IL1RAPL2: variants seen among roughly 807,000 people sequenced by gnomAD.
The protein encoded by IL1RAPL2 is X-linked interleukin-1 receptor accessory protein-like 2.
In IL1RAPL2, 3 loss-of-function variants were observed where a neutral mutation model predicts 44.1. That is an observed-to-expected ratio of 0.07 (90% CI 0.03 to 0.18). The LOEUF (loss-of-function observed/expected upper bound fraction) is 0.18, where lower values mean the gene tolerates loss of function less well. IL1RAPL2 is among the 10% of genes least tolerant of loss of function. IL1RAPL2 has a pLI of 1.00. For synonymous variants in IL1RAPL2, 181 were observed against 178.8 expected, an observed-to-expected ratio of 1.01 and a Z score of -0.10; for missense variants, 391 against 496.4, an observed-to-expected ratio of 0.79 and a Z score of 2.02.
intron 2 of IL1RAPL2, among the ~76,000 whole-genome samples, chrX:104,854,592 G>A (rs767214840): frequency 9.0e-6 from 1 of 111,580 alleles, no homozygotes; most frequent in Admixed American, 9.5e-5. Flanking sequence ...TCAGTAAACA[G>A]CATGTGTGGA....
rs961461600 is a variant in IL1RAPL2, at chrX:104,948,300, G to C, written c.83-247175G>C. On this transcript the variant is annotated intron_variant, in intron 2 of 10. Transcript: ENST00000372582. Reference sequence around the variant, plus strand: ...GAGACTTTGCTGAATTTGCTTATCAGCTTGAGGAGATTTTGGGCTGAGACA... The same window carrying C: ...GAGACTTTGCTGAATTTGCTTATCACCTTGAGGAGATTTTGGGCTGAGACA... 4.6e-5 allele frequency among the ~76,000 whole-genome samples: 5 copies of C among 109,519 alleles called. No homozygotes were observed. In the Admixed American group the frequency reaches 4.9e-4, roughly 11 times the overall value.
intron 5 of IL1RAPL2, among the ~76,000 whole-genome samples, chrX:105,425,754 A>G (rs1159984553): frequency 9.0e-6 from 1 of 110,612 alleles, no homozygotes; most frequent in African/African-American, 3.3e-5. Context: ...GAACTAGAAA[A>G]TAAAGGAGTG....
chrX:104,748,876 G>T (rs1312605689), intron 2 of IL1RAPL2, among the ~76,000 whole-genome samples: 2 of 111,439 alleles, frequency 1.8e-5, no homozygotes, highest in Non-Finnish European at 3.8e-5. Flanking sequence ...ATTCAGCAGT[G>T]ATTGATAATT....
intron 2 of IL1RAPL2, among the ~76,000 whole-genome samples, chrX:105,123,876 ACT>A (rs1945846681): frequency 9.1e-6 from 1 of 110,413 alleles, no homozygotes; most frequent in Admixed American, 9.6e-5. Flanking sequence ...ACCCTCCATG[ACT>A]CTTATCAACA....
intron 2 of IL1RAPL2, among the ~76,000 whole-genome samples, chrX:104,673,733 TG>T (rs1223663658): frequency 9.2e-6 from 1 of 109,238 alleles, no homozygotes; most frequent in African/African-American, 3.3e-5. Context: ...CCCATGAGCA[TG>T]GAATGTTCTT....
At chrX:104,756,750 GT>G (rs1354446870) in intron 2 of IL1RAPL2, among the ~76,000 whole-genome samples, 1 of 110,080 alleles carries the variant, frequency 9.1e-6, no homozygotes, top group Non-Finnish European at 1.9e-5. Context: ...TATGGATAAA[GT>G]TTTAGTTAAA....
At chrX:105,140,629 A>G (rs2033118032) in intron 2 of IL1RAPL2, among the ~76,000 whole-genome samples, 2 of 112,495 alleles carry the variant, frequency 1.8e-5, no homozygotes, top group Admixed American at 1.9e-4. Context: ...CCAATCCCAG[A>G]GTGCAAATGA....
chrX:104,957,986 G>A (rs1340305094), intron 2 of IL1RAPL2, among the ~76,000 whole-genome samples: 1 of 111,610 alleles, frequency 9.0e-6, no homozygotes, highest in African/African-American at 3.3e-5. Context: ...CATCTACTCA[G>A]GAGGCTGAGA....
intron 5 of IL1RAPL2, among the ~76,000 whole-genome samples, chrX:105,476,153 A>G (rs1265165982): frequency 4.4e-5 from 5 of 113,012 alleles, no homozygotes; most frequent in Non-Finnish European, 9.4e-5. Flanking sequence ...ATTAAAGACA[A>G]TAACTGACTT....
intron 7 of IL1RAPL2, among the ~76,000 whole-genome samples, chrX:105,729,911 A>AG (rs2038389468): frequency 2.9e-5 from 2 of 69,065 alleles, no homozygotes; most frequent in South Asian, 1.1e-3. Context: ...GAAGGAAGGA[A>AG]GGAAGGAAGG....
At chrX:105,033,336 T>C (rs1396759479) in intron 2 of IL1RAPL2, among the ~76,000 whole-genome samples, 1 of 112,032 alleles carries the variant, frequency 8.9e-6, no homozygotes, top group African/African-American at 3.2e-5. Context: ...CTTTACATTT[T>C]GGCATGTTTT....
At chrX:105,219,843 A>G in intron 3 of IL1RAPL2, 1 of 1,087,831 alleles carries the variant, frequency 9.2e-7, no homozygotes, top group Non-Finnish European at 1.2e-6. Context: ...ACCAGGTGGG[A>G]AGGGCGGGGC....
intron 6 of IL1RAPL2, among the ~76,000 whole-genome samples, chrX:105,646,200 G>A (rs187442734): frequency 3.8e-3 from 421 of 111,454 alleles, no homozygotes; most frequent in Admixed American, 6.2e-3. Context: ...AGCAATTGGC[G>A]GGAGGGCAAG....
chrX:105,080,921 A>G (rs761152345), intron 2 of IL1RAPL2, among the ~76,000 whole-genome samples: 31 of 111,234 alleles, frequency 2.8e-4, no homozygotes, highest in African/African-American at 3.9e-4. Context: ...TCTCCTTGAA[A>G]AGGTCCTTCA....
intron 2 of IL1RAPL2, among the ~76,000 whole-genome samples, chrX:104,673,262 A>G (rs1256225962): frequency 9.0e-6 from 1 of 111,408 alleles, no homozygotes; most frequent in Admixed American, 9.5e-5. Flanking sequence ...TCCATGTTGA[A>G]CTGATTTTTG....
chrX:104,666,537 G>A (rs774259831), intron 2 of IL1RAPL2, among the ~76,000 whole-genome samples: 53 of 111,946 alleles, frequency 4.7e-4, no homozygotes, highest in Admixed American at 8.5e-4. Flanking sequence ...TTGATATTGG[G>A]ATTTATCCCA....
At chrX:105,291,800 A>G (rs912692509) in intron 5 of IL1RAPL2, among the ~76,000 whole-genome samples, 2 of 111,733 alleles carry the variant, frequency 1.8e-5, no homozygotes, top group East Asian at 5.6e-4. Context: ...CTACAAGTTC[A>G]AAGCTATTTT....
intron 2 of IL1RAPL2, among the ~76,000 whole-genome samples, chrX:105,031,233 A>T (rs2031487587): frequency 9.3e-6 from 1 of 107,769 alleles, no homozygotes; most frequent in Non-Finnish European, 1.9e-5. Context: ...AATACCCTTT[A>T]TTTCCTTCTC....
intron 6 of IL1RAPL2, among the ~76,000 whole-genome samples, chrX:105,619,122 A>AG (rs2037400979): frequency 9.0e-6 from 1 of 111,133 alleles, no homozygotes; most frequent in South Asian, 3.8e-4. Flanking sequence ...TGTATACATG[A>AG]GAAAAAAAAA....
Sources: allele counts gnomAD v4.1 joint callset (sites outside exome capture counted in the v4.1 genomes callset), GRCh38; gene constraint gnomAD v4.1.1; transcripts MANE v1.5; gene names NCBI Gene and HGNC (gene_info 2026-07-23, HGNC 2026-07-21).